The following ST7 variants were observed in gnomAD, a reference collection of about 807,000 sequenced individuals.
ST7 encodes suppression of tumorigenicity 7, also known as suppressor of tumorigenicity 7 protein.
In ST7, 28 loss-of-function variants were observed where a neutral mutation model predicts 78.7. The ratio of observed to expected loss-of-function variants is 0.36; its 90% CI spans 0.26 to 0.49. The LOEUF (loss-of-function observed/expected upper bound fraction) is 0.49, where lower values mean the gene tolerates loss of function less well. Ranked by LOEUF, ST7 falls within the 20% of genes least tolerant of loss-of-function variation. ST7 has a pLI of 0.99. For missense variants in ST7, 418 were observed against 696.0 expected, an observed-to-expected ratio of 0.60 and a Z score of 4.49; for synonymous variants, 247 against 249.6, an observed-to-expected ratio of 0.99 and a Z score of 0.10.
chr7:117,138,583 G>A (rs772933168), intron 9 of ST7, 51 bp downstream of exon 9: 41 of 1,299,822 alleles, frequency 3.2e-5, no homozygotes, highest in South Asian at 2.4e-4. Context: ...ATAGGAGCCC[G>A]CTGAATGGCC....
intron 12 of ST7, among the ~76,000 whole-genome samples, chr7:117,192,157 C>G (rs1009498935): frequency 1.4e-4 from 22 of 152,210 alleles, no homozygotes; most frequent in African/African-American, 5.1e-4. Flanking sequence ...TATTTTTCAC[C>G]TAAGATAAAA....
At chr7:117,064,451 C>T (rs542687281) in intron 1 of ST7, among the ~76,000 whole-genome samples, 2 of 152,150 alleles carry the variant, frequency 1.3e-5, no homozygotes, top group Admixed American at 1.3e-4. Flanking sequence ...CCAAGTGTAC[C>T]CTTATTACAA....
chr7:117,113,919 T>C (rs1802637930), intron 2 of ST7, among the ~76,000 whole-genome samples: 1 of 152,126 alleles, frequency 6.6e-6, no homozygotes, highest in Non-Finnish European at 1.5e-5. Context: ...TTACCCTCCC[T>C]TTTAGGCCAT....
chr7:117,126,911 C>T (rs939702147), intron 3 of ST7, among the ~76,000 whole-genome samples: 4 of 151,878 alleles, frequency 2.6e-5, no homozygotes, highest in Non-Finnish European at 4.4e-5. Flanking sequence ...TGCTGCTGCC[C>T]TTTTTCTTGA....
At chr7:116,972,984 A>T in intron 1 of ST7, 1 of 781,496 alleles carries the variant, frequency 1.3e-6, no homozygotes, top group South Asian at 1.4e-5. Flanking sequence ...CCTCTCCCTC[A>T]CCCATTTGTT....
intron 1 of ST7, among the ~76,000 whole-genome samples, chr7:117,069,888 C>T (rs1042028543): frequency 1.3e-5 from 2 of 152,210 alleles, no homozygotes; most frequent in African/African-American, 2.4e-5. Flanking sequence ...CAGCTCACTG[C>T]TGAAACACTG....
intron 1 of ST7, among the ~76,000 whole-genome samples, chr7:117,017,151 T>A (rs1563014052): frequency 6.6e-6 from 1 of 152,216 alleles, no homozygotes; most frequent in Non-Finnish European, 1.5e-5. Flanking sequence ...CTGATAATTT[T>A]ACCTAAAATA....
chr7:117,075,057 T>A (rs1051449027), intron 1 of ST7, among the ~76,000 whole-genome samples: 1 of 152,208 alleles, frequency 6.6e-6, no homozygotes. Context: ...AACTTTCTTT[T>A]GTTGATAAAG....
chr7:116,959,943 T>C (rs1792735802), intron 1 of ST7: 1 of 153,904 alleles, frequency 6.5e-6, no homozygotes. Flanking sequence ...AGCACCAAGA[T>C]AATACATGGA....
At chr7:116,978,977 T>C (rs1793826130) in intron 1 of ST7, among the ~76,000 whole-genome samples, 1 of 152,156 alleles carries the variant, frequency 6.6e-6, no homozygotes, top group Admixed American at 6.5e-5. Context: ...GAATGTTTTA[T>C]TGGTAACAAA....
chr7:116,972,823 C>T (rs554513331), intron 1 of ST7: 22 of 1,043,674 alleles, frequency 2.1e-5, no homozygotes, highest in East Asian at 4.8e-5. Context: ...TCACTGGAGA[C>T]GATCAGCTCG....
intron 1 of ST7, among the ~76,000 whole-genome samples, chr7:117,062,272 A>G (rs529140176): frequency 1.1e-4 from 16 of 152,300 alleles, no homozygotes; most frequent in African/African-American, 3.8e-4. Context: ...CCATCACATT[A>G]GGGGCTACAG....
intron 1 of ST7, among the ~76,000 whole-genome samples, chr7:116,969,714 G>A (rs114652048): frequency 9.1e-4 from 138 of 152,298 alleles, no homozygotes; most frequent in African/African-American, 3.2e-3. Flanking sequence ...AAAGGAGTCA[G>A]CCATCATCAC....
At chr7:117,050,725 T>C (rs757969346) in intron 1 of ST7, among the ~76,000 whole-genome samples, 80 of 152,118 alleles carry the variant, frequency 5.3e-4, no homozygotes, top group Non-Finnish European at 9.0e-4. Flanking sequence ...GGTCAAGAGA[T>C]CTAGACCACC....
chr7:117,091,687 T>C lies in ST7; in HGVS notation c.152-8075T>C, dbSNP rs114977210. On this transcript the variant is annotated intron_variant, in intron 1 of 15. Transcript: ENST00000323984. ...CAGATGTCAATGTTGATTTTTATTT[T>C]CATGAATTATTATGTTGGTGATGGT... 4.9e-3 allele frequency among the ~76,000 whole-genome samples: 754 copies of C among 152,332 alleles called. 10 individuals are homozygous for C. Among genetic ancestry groups the C allele is most frequent in the African/African-American group, 0.017 (722 of 41,584 alleles).
intron 9 of ST7, among the ~76,000 whole-genome samples, chr7:117,159,630 T>A (rs1457239044): frequency 1.3e-5 from 2 of 152,252 alleles, no homozygotes; most frequent in Non-Finnish European, 2.9e-5. Flanking sequence ...GGTCTTTTTG[T>A]AATAGAAAGG....
chr7:117,025,330 T>A (rs1273845692), intron 1 of ST7, among the ~76,000 whole-genome samples: 1 of 152,224 alleles, frequency 6.6e-6, no homozygotes, highest in Non-Finnish European at 1.5e-5. Flanking sequence ...TGTCAGAGAC[T>A]GCTGTTTTTG....
intron 2 of ST7, among the ~76,000 whole-genome samples, chr7:117,104,033 C>T (rs1801762398): frequency 6.6e-6 from 1 of 152,166 alleles, no homozygotes; most frequent in African/African-American, 2.4e-5. Flanking sequence ...ACCAAAACCA[C>T]AACGAGCTAT....
intron 1 of ST7, among the ~76,000 whole-genome samples, chr7:117,065,757 T>C (rs1447226918): frequency 2.2e-4 from 33 of 152,238 alleles, no homozygotes; most frequent in Admixed American, 2.2e-3. Flanking sequence ...AGTCATCTTT[T>C]TGAAATGTAA....
Sources: gnomAD v4.1 joint callset for allele counts (sites outside exome capture counted in the v4.1 genomes callset) on GRCh38, gnomAD v4.1.1 for gene constraint, MANE v1.5 for transcripts, NCBI Gene and HGNC (gene_info 2026-07-23, HGNC 2026-07-21) for gene names.